ZNF683: variants seen among roughly 807,000 people sequenced by gnomAD.
ZNF683 encodes the protein tissue-resident T-cell transcription regulator protein ZNF683.
Under a neutral mutation model 31.4 loss-of-function variants are expected in ZNF683, and 20 were observed. That is an observed-to-expected ratio of 0.64 (90% CI 0.45 to 0.93). ZNF683 has a LOEUF of 0.93. Ranked by LOEUF, ZNF683 falls within the 40% of genes least tolerant of loss-of-function variation. The pLI, the probability that ZNF683 is intolerant of heterozygous loss-of-function variation, is 0.00. For synonymous variants in ZNF683, 264 were observed against 267.6 expected (o/e 0.99, Z 0.13); for missense variants, 621 against 637.2 (o/e 0.97, Z 0.27).
chr1:26,361,790 A>G lies in ZNF683; in HGVS notation c.1376T>C (p.Met459Thr), dbSNP rs1189289828. 1.2e-6 allele frequency: 2 copies of G among 1,614,036 alleles called. No individual in the cohort carries two copies. Among genetic ancestry groups the G allele is most frequent in the Non-Finnish European group, 1.7e-6 (2 of 1,179,898 alleles). Reference protein sequence around the residue: ...AQWHQGALDLMAVASEKHMGY... With the variant: ...AQWHQGALDLTAVASEKHMGY... ...CATGTGTTTCTCAGATGCCACCGCC[A>G]TAAGATCTAGTGCCCCCTGGTGCCA... is the stretch of plus-strand genomic sequence containing the variant. Residue 459 changes from methionine (M) to threonine (T), a missense_variant, in exon 6 of 6, where the codon ATG (methionine) becomes ACG (threonine). By Grantham distance (81) the Met-to-Thr change is moderately conservative (BLOSUM62 -1). Coordinates refer to ENST00000349618, the MANE Select transcript of ZNF683 (RefSeq NM_001114759.3).
In ZNF683 at chr1:26,363,165, T is replaced by A. The variant is rs2074427302; in HGVS notation, c.1015-11A>T. ...CACACGCAGGTGGACCTGAGTCAGA[T>A]GCGGGATAAATGCTGCCAACTGCCC... On this transcript the variant is annotated splice_polypyrimidine_tract_variant and intron_variant, in intron 4 of 5. Transcript: ENST00000349618. 6.3e-7 allele frequency: 1 copy of A among 1,599,940 alleles called. No homozygotes were observed. The highest frequency in any genetic ancestry group is 1.7e-5 in the Admixed American group (1 of 59,582).
chr1:26,365,788 A>AT (rs1257811540), intron 3 of ZNF683, among the ~76,000 whole-genome samples: 2 of 152,232 alleles, frequency 1.3e-5, no homozygotes, highest in Non-Finnish European at 2.9e-5. Flanking sequence ...CATGCCTATA[A>AT]TCCCAGTGCT....
At chr1:26,373,814 T>C (rs1359576478), upstream of ZNF683, among the ~76,000 whole-genome samples, 1 of 152,206 alleles carries the variant, frequency 6.6e-6, no homozygotes, top group Non-Finnish European at 1.5e-5. Flanking sequence ...TAGCCACCTT[T>C]ACAAACAGCT....
chr1:26,370,585 C>G (rs941856444), intron 1 of ZNF683: 120 of 932,658 alleles, frequency 1.3e-4, no homozygotes, highest in Non-Finnish European at 1.4e-4. Context: ...TCTCCTTTCC[C>G]TCTTTCCTCA....
Position 26,364,946 on chromosome 1 carries a change from C to T in ZNF683, c.600G>A (p.Leu200=). 1.9e-6 allele frequency: 3 copies of T among 1,557,658 alleles called. No homozygotes were observed. The highest frequency in any genetic ancestry group is 1.7e-6 in the Non-Finnish European group (2 of 1,155,378). The change falls in exon 4 of 6, where the codon CTG becomes CTA. Residue 200 remains leucine (L), a synonymous_variant. Transcript: ENST00000349618. The part of the protein sequence containing the change: ...HAFYPGYPLL[L]PPPHLFTYGA... ...CATAGGTGAACAGGTGGGGTGGAGG[C>T]AGGAGAAGTGGGTATCCAGGGTAGA...
chr1:26,374,028 A>ATTTC (rs1409553531), upstream of ZNF683, among the ~76,000 whole-genome samples: 1 of 139,638 alleles, frequency 7.2e-6, no homozygotes, highest in Non-Finnish European at 1.5e-5. Flanking sequence ...CCACCCCCTC[A>ATTTC]TTTCTTTCTT....
intron 3 of ZNF683, among the ~76,000 whole-genome samples, chr1:26,366,811 AC>A (rs953828248): frequency 6.6e-6 from 1 of 150,932 alleles, no homozygotes. Flanking sequence ...ACCTGCCACC[AC>A]CCCCCAGCTA....
intron 3 of ZNF683, among the ~76,000 whole-genome samples, chr1:26,365,483 G>A (rs1396589666): frequency 6.6e-6 from 1 of 152,196 alleles, no homozygotes; most frequent in Non-Finnish European, 1.5e-5. Flanking sequence ...CATAAATCCA[G>A]GTGCCATGGG....
chr1:26,363,127 G>A lies in ZNF683; in HGVS notation c.1042C>T (p.Arg348Cys), dbSNP rs906392300. The change falls in exon 5 of 6, where the codon CGT becomes TGT. Residue 348 changes from arginine (R) to cysteine (C), a missense_variant. By Grantham distance (180) the Arg-to-Cys change is radical (BLOSUM62 -3). Coordinates refer to ENST00000349618, the MANE Select transcript of ZNF683 (RefSeq NM_001114759.3). ...KVHLRVHSGERPFQCALCQKS... is the reference protein window; with the variant it reads ...KVHLRVHSGECPFQCALCQKS... Reference sequence around the variant, plus strand: ...TGGCACAAGGCACACTGGAATGGACGCTCTCCACTGTGCACACGCAGGTGG... The same window carrying A: ...TGGCACAAGGCACACTGGAATGGACACTCTCCACTGTGCACACGCAGGTGG... 7.4e-6 allele frequency: 12 copies of A among 1,612,254 alleles called. No homozygotes were observed. The highest frequency in any genetic ancestry group is 6.7e-5 in the East Asian group (3 of 44,852).
upstream of ZNF683, among the ~76,000 whole-genome samples, chr1:26,373,053 C>A (rs2074703521): frequency 6.6e-6 from 1 of 152,212 alleles, no homozygotes; most frequent in Non-Finnish European, 1.5e-5. Context: ...CCCCAAGCAG[C>A]CATTAATCTC....
At chr1:26,364,417 AGGTT>A (rs2074462469) in intron 4 of ZNF683, 111 bp downstream of exon 4, 9 of 1,161,214 alleles carry the variant, frequency 7.8e-6, no homozygotes, top group Non-Finnish European at 1.1e-5. Context: ...TTGGCCCTAG[AGGTT>A]GCCCAGGAGT....
intron 4 of ZNF683, among the ~76,000 whole-genome samples, chr1:26,363,366 G>C (rs2074434478): frequency 6.6e-6 from 1 of 152,182 alleles, no homozygotes; most frequent in South Asian, 2.1e-4. Context: ...GTATATTGTG[G>C]AACACTGCTA....
At chr1:26,363,267 G>T (rs1184535687) in intron 4 of ZNF683, 113 bp from the exon 5 acceptor site, 6 of 1,346,896 alleles carry the variant, frequency 4.5e-6, no homozygotes, top group Non-Finnish European at 5.0e-6. Context: ...CTCCCTCAGG[G>T]CCCATCATCC....
intron 5 of ZNF683, 45 bp downstream of exon 5, chr1:26,362,981 C>A: frequency 6.4e-7 from 1 of 1,557,486 alleles, no homozygotes; most frequent in East Asian, 2.3e-5. Flanking sequence ...CCTAAAACTC[C>A]TCTCCAGCCT....
chr1:26,371,472 CA>C (rs2074667682), intron 1 of ZNF683, among the ~76,000 whole-genome samples: 3 of 151,974 alleles, frequency 2.0e-5, no homozygotes, highest in African/African-American at 2.4e-5. Flanking sequence ...TGGTGACTTG[CA>C]CCTCTGGTCC....
rs1230826772 is a variant in ZNF683 at position 26,367,783 on chromosome 1, G to A, written c.129C>T (p.Cys43=). ...CATCCACCATGTCTGGAAGTGGTCT[G>A]CAGGCTGAGAAGACCTGGAGGGCAG... ...LFRGDQVFSA[C]RPLPDMVDAH... The change falls in exon 3 of 6, where the codon TGC becomes TGT. Residue 43 remains cysteine, a synonymous_variant. Transcript: ENST00000349618. 1 of 1,594,928 alleles carries A rather than the reference G, an allele frequency of 6.3e-7. No homozygotes were observed. The highest frequency in any genetic ancestry group is 8.6e-7 in the Non-Finnish European group (1 of 1,168,878).
At position 26,362,033 on chromosome 1, in the gene ZNF683, C is replaced by A. The variant is rs41285437; in HGVS notation, c.1144-11G>T. On this transcript the variant is annotated splice_polypyrimidine_tract_variant and intron_variant, in intron 5 of 5. Transcript: ENST00000349618. ...GCGCTTGTGGCACACCTGACGGGAA[C>A]GAGCACTGGCATCAGCTTTGTCCTC... 46 of 1,613,756 alleles carry A rather than the reference C, an allele frequency of 2.9e-5. No homozygotes were observed. The East Asian group carries it at 1.0e-3, about 36-fold the overall frequency.
At chr1:26,369,486 G>T (rs930698723) in intron 1 of ZNF683, among the ~76,000 whole-genome samples, 18 of 152,130 alleles carry the variant, frequency 1.2e-4, no homozygotes, top group Middle Eastern at 3.4e-3. Flanking sequence ...TGACGAACAT[G>T]GTGAAACCTC....
At chr1:26,362,374 G>A (rs781596951) in intron 5 of ZNF683, among the ~76,000 whole-genome samples, 68 of 152,318 alleles carry the variant, frequency 4.5e-4, no homozygotes, top group Non-Finnish European at 6.8e-4. Context: ...TCAGTAGATT[G>A]TAATGAACAT....
Sources: gnomAD v4.1 joint callset for allele counts (sites outside exome capture counted in the v4.1 genomes callset) on GRCh38, gnomAD v4.1.1 for gene constraint, MANE v1.5 for transcripts, NCBI Gene and HGNC (gene_info 2026-07-23, HGNC 2026-07-21) for gene names.